Variants in TOP1 observed in about 807,000 individuals in gnomAD.
The protein encoded by TOP1 is DNA topoisomerase I.
A neutral mutation model predicts 111.1 loss-of-function variants in TOP1; 10 were observed. The observed-to-expected ratio is 0.09, with a 90% CI of 0.06 to 0.15. The LOEUF (loss-of-function observed/expected upper bound fraction) is 0.15. Among genes scored for constraint, TOP1 ranks in the 10% least tolerant of loss-of-function variants. The pLI, the probability that TOP1 is intolerant of heterozygous loss-of-function variation, is 1.00. For synonymous variants in TOP1, 271 were observed against 302.9 expected, an observed-to-expected ratio of 0.89 and a Z score of 1.10; for missense variants, 474 against 926.7, an observed-to-expected ratio of 0.51 and a Z score of 6.34.
chr20:41,085,167 A>G (rs2033833384), intron 8 of TOP1, among the ~76,000 whole-genome samples: 3 of 152,350 alleles, frequency 2.0e-5, no homozygotes, highest in South Asian at 4.1e-4. Context: ...TTTAAAACAA[A>G]TATGAAAGGA....
Position 41,029,347 on chromosome 20 carries a change from T to G in TOP1, c.34-84T>G, listed in dbSNP as rs2122578064. The G allele has an allele frequency of 1.6e-6, 2 of 1,276,206 alleles. No individual in the cohort carries two copies. The highest frequency in any genetic ancestry group is 2.1e-6 in the Non-Finnish European group (2 of 955,628). The allele number at this position is 1,276,206 out of a possible 1,614,324, so 79.1% of individuals were successfully genotyped here. On this transcript the variant is annotated intron_variant, in intron 1 of 20. Coordinates refer to ENST00000361337, the MANE Select transcript of TOP1 (RefSeq NM_003286.4). The surrounding 1 kb of genome is among the most constrained non-coding windows in gnomAD (Gnocchi z 6.1). Reference sequence around the variant, plus strand: ...CCCCGTCCTCCCCGGGGGCGCAGGGTGAGCCAGACCCCGGCCGCGCGCGCT... The same window carrying G: ...CCCCGTCCTCCCCGGGGGCGCAGGGGGAGCCAGACCCCGGCCGCGCGCGCT...
intron 8 of TOP1, among the ~76,000 whole-genome samples, chr20:41,086,340 C>T (rs1380130427): frequency 6.6e-6 from 1 of 151,764 alleles, no homozygotes; most frequent in Admixed American, 6.6e-5. Flanking sequence ...AGAACTAATA[C>T]ATTTTCAGTG....
At position 41,101,302 on chromosome 20, in the gene TOP1, C is replaced by T. The variant is rs750852712; in HGVS notation, c.1257C>T (p.Asn419=). ...KVTWLVSWTE[N]IQGSIKYIML... ...CTTGGCTGGTTTCCTGGACAGAGAA[C>T]ATCCAAGGTTCCATTAAATACATCA... Residue 419 remains asparagine (N), a synonymous_variant, in exon 13 of 21, where the codon AAC becomes AAT. Coordinates refer to ENST00000361337, the MANE Select transcript of TOP1 (RefSeq NM_003286.4). This position sits in a 1 kb window ranked among gnomAD's most constrained non-coding sequence, Gnocchi z 4.1. 58 of 1,614,024 alleles carry T rather than the reference C, an allele frequency of 3.6e-5. No homozygotes were observed. The highest frequency in any genetic ancestry group is 4.8e-5 in the Non-Finnish European group (57 of 1,179,994).
At chr20:41,062,452 C>A (rs961244504) in intron 3 of TOP1, among the ~76,000 whole-genome samples, 1 of 152,152 alleles carries the variant, frequency 6.6e-6, no homozygotes, top group Non-Finnish European at 1.5e-5. Flanking sequence ...ATGCCTGTGG[C>A]CTTTTTTCCC....
chr20:41,108,713 A>G (rs1179835883), intron 13 of TOP1, among the ~76,000 whole-genome samples: 1 of 152,218 alleles, frequency 6.6e-6, no homozygotes, highest in Non-Finnish European at 1.5e-5. Context: ...GTAGGATCTG[A>G]AATAGCATTG....
intron 2 of TOP1, among the ~76,000 whole-genome samples, chr20:41,031,633 C>T (rs944957438): frequency 6.6e-6 from 1 of 152,110 alleles, no homozygotes; most frequent in Non-Finnish European, 1.5e-5. Flanking sequence ...TAAATGTAAT[C>T]CTTGGAAGGA....
intron 3 of TOP1, chr20:41,072,244 G>A (rs767583164): frequency 8.1e-6 from 8 of 985,080 alleles, no homozygotes; most frequent in Non-Finnish European, 9.6e-6. Context: ...TTGACATATT[G>A]TGTCTATTGT....
chr20:41,089,042 T>TGA (rs869256329), intron 8 of TOP1, among the ~76,000 whole-genome samples: 1 of 132,320 alleles, frequency 7.6e-6, no homozygotes, highest in African/African-American at 2.9e-5. Flanking sequence ...TTTTTTTTTT[T>TGA]GAGACAGAGT....
chr20:41,072,095 T>C (rs527492266), intron 3 of TOP1, among the ~76,000 whole-genome samples: 1 of 152,234 alleles, frequency 6.6e-6, no homozygotes, highest in Non-Finnish European at 1.5e-5. Context: ...CCCTGAAGGT[T>C]TTTATCCTTT....
At chr20:41,068,702 A>G (rs1028214946) in intron 3 of TOP1, among the ~76,000 whole-genome samples, 1 of 151,622 alleles carries the variant, frequency 6.6e-6, no homozygotes, top group Non-Finnish European at 1.5e-5. Flanking sequence ...GCCCTCTTTT[A>G]AAAAATACAT....
At chr20:41,062,086 C>T (rs1429473371) in intron 3 of TOP1, among the ~76,000 whole-genome samples, 41 of 152,130 alleles carry the variant, frequency 2.7e-4, no homozygotes, top group Non-Finnish European at 4.4e-5. Context: ...GAAGATGTTT[C>T]TTTTGTTCAT....
chr20:41,056,907 C>T (rs2033479725), intron 2 of TOP1, among the ~76,000 whole-genome samples: 1 of 152,080 alleles, frequency 6.6e-6, no homozygotes, highest in African/African-American at 2.4e-5. Flanking sequence ...TTTTAGACAG[C>T]AGTTGCTTTA....
chr20:41,039,429 A>ATT lies in TOP1; in HGVS notation c.58+9974_58+9975insTT, dbSNP rs1282583579. On this transcript the variant is annotated intron_variant, in intron 2 of 20. Coordinates refer to ENST00000361337, the MANE Select transcript of TOP1 (RefSeq NM_003286.4). ...CCCTTAAAGAAATTGGAGACCTAGG[A>ATT]CCTTGGATTTCCAAAGATTTCCAAA... 2.1e-3 allele frequency among the ~76,000 whole-genome samples: 327 copies of ATT among 152,206 alleles called. 1 individual carries two copies. Among genetic ancestry groups the ATT allele is most frequent in the African/African-American group, 6.5e-3 (268 of 41,536 alleles).
At chr20:41,047,160 A>G (rs534642699) in intron 2 of TOP1, among the ~76,000 whole-genome samples, 7 of 152,370 alleles carry the variant, frequency 4.6e-5, no homozygotes, top group African/African-American at 1.4e-4. Flanking sequence ...GTGTTCTGCA[A>G]ACTACACCTG....
chr20:41,089,017 G>GTTGTTTTTTTTTT (rs1290740653), intron 8 of TOP1, among the ~76,000 whole-genome samples: 1 of 69,272 alleles, frequency 1.4e-5, no homozygotes, highest in African/African-American at 7.8e-5. Flanking sequence ...TGTTGCCCCA[G>GTTGTTTTTTTTTT]TTCTTTTTTT....
Position 41,092,663 on chromosome 20 carries a change from G to T in TOP1, c.730+76G>T. ...CTATTTAGGGATAGAAAACAAGGAA[G>T]GATCCTATGTAATAGATAATCCTTT... On this transcript the variant is annotated intron_variant, in intron 9 of 20. Transcript: ENST00000361337. The surrounding 1 kb of genome is among the most constrained non-coding windows in gnomAD (Gnocchi z 4.3). 1 of 734,866 alleles carries T rather than the reference G, an allele frequency of 1.4e-6. No individual in the cohort carries two copies. The highest frequency in any genetic ancestry group is 2.5e-5 in the Admixed American group (1 of 39,378). 45.5% of individuals were successfully genotyped at this position (734,866 alleles called of 1,614,324 possible).
At chr20:41,060,699 A>G (rs2033534209) in intron 2 of TOP1, among the ~76,000 whole-genome samples, 2 of 152,212 alleles carry the variant, frequency 1.3e-5, no homozygotes, top group Non-Finnish European at 2.9e-5. Flanking sequence ...CAAAATTTGC[A>G]GATGTTCAAG....
In TOP1 at chr20:41,059,566, T is replaced by C. The variant is rs547700127; in HGVS notation, c.59-1828T>C. ...GAGGAGCCTGCGTAACATCGTGATA[T>C]AAGAAAATGAGACTCTTTCCCTGCC... On this transcript the variant is annotated intron_variant, in intron 2 of 20. Coordinates refer to ENST00000361337, the MANE Select transcript of TOP1 (RefSeq NM_003286.4). Among the ~76,000 whole-genome samples the C allele has an allele frequency of 2.7e-3, 411 of 151,772 alleles. 3 individuals carry two copies. Among genetic ancestry groups the C allele is most frequent in the African/African-American group, 8.9e-3 (370 of 41,388 alleles).
In TOP1 at chr20:41,029,059, C is replaced by A; in HGVS notation, c.-9C>A. 2 of 1,546,858 alleles carry A rather than the reference C, an allele frequency of 1.3e-6. No individual in the cohort carries two copies. The highest frequency in any genetic ancestry group is 2.5e-5 in the East Asian group (1 of 39,428). On this transcript the variant is annotated 5_prime_UTR_variant, in exon 1 of 21. Coordinates refer to ENST00000361337, the MANE Select transcript of TOP1 (RefSeq NM_003286.4). The surrounding 1 kb of genome is among the most constrained non-coding windows in gnomAD (Gnocchi z 6.1). Reference sequence around the variant, plus strand: ...TCGCCTGCCGCCGCGCTCGTCCCTCCGGGCCGACATGAGTGGGGACCACCT... The same window carrying A: ...TCGCCTGCCGCCGCGCTCGTCCCTCAGGGCCGACATGAGTGGGGACCACCT...
Sources: gnomAD v4.1 joint callset for allele counts (sites outside exome capture counted in the v4.1 genomes callset) on GRCh38, gnomAD v4.1.1 for gene constraint, Gnocchi (gnomAD v3.1) non-coding constraint, MANE v1.5 for transcripts, NCBI Gene and HGNC (gene_info 2026-07-23, HGNC 2026-07-21) for gene names.